Variants in ATOX1 observed in about 807,000 individuals in gnomAD.
ATOX1 encodes the protein copper transport protein ATOX1.
Under a neutral mutation model 7.3 loss-of-function variants are expected in ATOX1, and 4 were observed. That is an observed-to-expected ratio of 0.55 (90% CI 0.27 to 1.25). The LOEUF (loss-of-function observed/expected upper bound fraction) is 1.25, where lower values mean the gene tolerates loss of function less well. ATOX1 is among the 50% of genes most tolerant of loss of function. ATOX1 has a pLI of 0.12. For synonymous variants in ATOX1, 25 were observed against 28.7 expected (o/e 0.87, Z 0.41); for missense variants, 68 against 81.6 (o/e 0.83, Z 0.64).
chr5:151,749,341 C>T (rs28917198), intron 2 of ATOX1, among the ~76,000 whole-genome samples: 2,162 of 151,750 alleles, frequency 0.014, 48 homozygotes, highest in African/African-American at 0.048. Flanking sequence ...CAAAATTAGC[C>T]GGGCATGGTG....
intron 3 of ATOX1, chr5:151,746,078 G>A (rs1030134588): frequency 7.0e-5 from 30 of 431,622 alleles, no homozygotes; most frequent in Non-Finnish European, 1.2e-4. Context: ...CACTCACAGG[G>A]TCTGTAAGAA....
At chr5:151,758,294 G>C (rs1333946184) in intron 1 of ATOX1, among the ~76,000 whole-genome samples, 1 of 152,260 alleles carries the variant, frequency 6.6e-6, no homozygotes, top group Non-Finnish European at 1.5e-5. Context: ...CGCAGGGAAG[G>C]TGTGGGCTTG....
intron 3 of ATOX1, chr5:151,743,990 A>G (rs189474806): frequency 6.6e-6 from 1 of 152,350 alleles, no homozygotes; most frequent in Non-Finnish European, 1.5e-5. Context: ...ATGATTTACA[A>G]CACATGCTAT....
chr5:151,758,526 G>T lies in ATOX1; in HGVS notation c.6+20C>A. The T allele has an allele frequency of 6.8e-7, 1 of 1,474,020 alleles. No individual in the cohort carries two copies. The highest frequency in any genetic ancestry group is 9.0e-7 in the Non-Finnish European group (1 of 1,109,360). The allele number at this position is 1,474,020 out of a possible 1,614,324, so 91.3% of individuals were successfully genotyped here. A position where few individuals can be genotyped will look rare whatever the true frequency, so the allele number is the denominator to read the frequency against. Reference sequence around the variant, plus strand: ...CCCGGGACTGCAAGTCTGCGTGGCGGGGACGGCGCAACCACTCACCGGCAT... The same window carrying T: ...CCCGGGACTGCAAGTCTGCGTGGCGTGGACGGCGCAACCACTCACCGGCAT... On this transcript the variant is annotated intron_variant, in intron 1 of 3. Coordinates refer to ENST00000313115, the MANE Select transcript of ATOX1 (RefSeq NM_004045.4).
chr5:151,754,440 T>G (rs1332641970), intron 1 of ATOX1, among the ~76,000 whole-genome samples: 3 of 151,586 alleles, frequency 2.0e-5, no homozygotes, highest in African/African-American at 7.3e-5. Flanking sequence ...AAAACCTGTT[T>G]CTCTACTAAA....
intron 1 of ATOX1, 155 bp from the exon 2 acceptor site, chr5:151,751,934 G>A (rs1026328584): frequency 1.2e-5 from 8 of 661,154 alleles, no homozygotes; most frequent in African/African-American, 1.1e-4. Flanking sequence ...TTCTGAGCCC[G>A]TCTCTTCAAC....
intron 1 of ATOX1, among the ~76,000 whole-genome samples, chr5:151,757,697 A>C (rs978874314): frequency 2.0e-5 from 3 of 152,194 alleles, no homozygotes; most frequent in African/African-American, 7.2e-5. Context: ...AGCCGGTGTG[A>C]CTGCTTTTGC....
At chr5:151,758,273 T>C (rs1423035638) in intron 1 of ATOX1, among the ~76,000 whole-genome samples, 1 of 152,206 alleles carries the variant, frequency 6.6e-6, no homozygotes, top group East Asian at 1.9e-4. Flanking sequence ...CTGGTTCTGT[T>C]TCTCTGTGTA....
intron 2 of ATOX1, among the ~76,000 whole-genome samples, chr5:151,748,175 A>G (rs28917205): frequency 1.3e-3 from 205 of 152,338 alleles, no homozygotes; most frequent in Middle Eastern, 0.01. Context: ...ACAGCTCCCC[A>G]GCAGCACATG....
In ATOX1 at chr5:151,746,546, C is replaced by T. The variant is rs1761881685; in HGVS notation, c.83-97G>A. The T allele has an allele frequency of 1.4e-5, 21 of 1,512,750 alleles. No homozygotes were observed. In the South Asian group the frequency reaches 2.4e-4, roughly 17 times the overall value. The allele number at this position is 1,512,750 out of a possible 1,614,324, so 93.7% of individuals were successfully genotyped here. ...GGCTCTAAATTACTACTCACAACCA[C>T]CCTTGCCCTTTCCTCTAGAGCAGGG... On this transcript the variant is annotated intron_variant, in intron 2 of 3. Coordinates refer to ENST00000313115, the MANE Select transcript of ATOX1 (RefSeq NM_004045.4).
chr5:151,743,993 C>T (rs532382379), intron 3 of ATOX1: 12 of 152,304 alleles, frequency 7.9e-5, no homozygotes, highest in African/African-American at 2.9e-4. Context: ...ATTTACAACA[C>T]ATGCTATGAC....
At chr5:151,746,164 G>A (rs1761876353) in intron 3 of ATOX1, 115 bp downstream of exon 3, 1 of 932,690 alleles carries the variant, frequency 1.1e-6, no homozygotes, top group South Asian at 1.8e-5. Context: ...ACAGTGGATT[G>A]AAAAGAACCC....
Position 151,752,348 on chromosome 5 carries a change from G to C in ATOX1, c.7-569C>G, listed in dbSNP as rs771422143. On this transcript the variant is annotated intron_variant, in intron 1 of 3. Transcript: ENST00000313115. ...GCCGCATTCTCAGAGGCAGCATCTG[G>C]GTCCAGGGAAAGAAAGGATTGCCTG... 17 of 698,556 alleles carry C rather than the reference G, an allele frequency of 2.4e-5. 1 individual carries two copies. Among genetic ancestry groups the C allele is most frequent in the Middle Eastern group, 4.8e-4 (2 of 4,174 alleles). The allele number at this position is 698,556 out of a possible 1,614,324, so 43.3% of individuals were successfully genotyped here. A position where few individuals can be genotyped will look rare whatever the true frequency, so the allele number is the denominator to read the frequency against.
intron 2 of ATOX1, among the ~76,000 whole-genome samples, chr5:151,751,095 G>A (rs1761943320): frequency 6.6e-6 from 1 of 151,794 alleles, no homozygotes; most frequent in Non-Finnish European, 1.5e-5. Flanking sequence ...CGTCTGTACT[G>A]AAAATACAAA....
intron 2 of ATOX1, among the ~76,000 whole-genome samples, chr5:151,747,839 T>A (rs1478623033): frequency 1.3e-5 from 2 of 152,240 alleles, no homozygotes; most frequent in African/African-American, 4.8e-5. Context: ...TCCACCTGCA[T>A]TGGCCTCCCA....
In ATOX1 at chr5:151,749,055, G is replaced by A. The variant is rs965342296; in HGVS notation, c.83-2606C>T. On this transcript the variant is annotated intron_variant, in intron 2 of 3. Transcript: ENST00000313115. ...TGAGGCTGCAGTGAGCCAAGACCGC[G>A]CCACTGCACTCCAGCCTGGATGAAG... is the stretch of plus-strand genomic sequence containing the variant. 2.8e-4 allele frequency among the ~76,000 whole-genome samples: 42 copies of A among 152,260 alleles called. 1 individual carries two copies. The highest frequency in any genetic ancestry group is 2.2e-3 in the Admixed American group (34 of 15,296).
Position 151,751,714 on chromosome 5 carries a change from A to T in ATOX1, c.72T>A (p.Asn24Lys). Reference sequence around the variant, plus strand: ...GGGCCACTCACTCACCTCCAAGCTTATTGAGGACCCGAGAGACAGCTTCAG... The same window carrying T: ...GGGCCACTCACTCACCTCCAAGCTTTTTGAGGACCCGAGAGACAGCTTCAG... The part of the protein sequence containing the change: ...GCAEAVSRVL[N>K]KLGGVKYDID... The change falls in exon 2 of 4, where the codon AAT becomes AAA. Residue 24 changes from asparagine to lysine, a missense_variant. Transcript: ENST00000313115. The T allele has an allele frequency of 6.2e-7, 1 of 1,606,710 alleles. No individual in the cohort carries two copies. The highest frequency in any genetic ancestry group is 8.5e-7 in the Non-Finnish European group (1 of 1,176,836).
rs28917178 is a variant in ATOX1, at chr5:151,756,630, G to A, written c.6+1916C>T. On this transcript the variant is annotated intron_variant, in intron 1 of 3. Transcript: ENST00000313115. ...TGGGACTATAGGCACGGGCCACCAC[G>A]TCTGGCTAATTTTTTGTATTTTTTG... 2.6e-3 allele frequency among the ~76,000 whole-genome samples: 394 copies of A among 152,120 alleles called. 1 individual carries two copies. The highest frequency in any genetic ancestry group is 8.3e-3 in the African/African-American group (344 of 41,504).
In ATOX1 at chr5:151,751,773, C is replaced by A; in HGVS notation, c.13G>T (p.Glu5Ter). The change falls in exon 2 of 4, where the codon GAG becomes TAG. Residue 5 changes from glutamate (E) to a stop codon, truncating the protein, a stop_gained. Coordinates refer to ENST00000313115, the MANE Select transcript of ATOX1 (RefSeq NM_004045.4). LOFTEE classifies it high-confidence loss of function. The part of the protein sequence containing the change: MPKH[E>*]FSVDMTCGGC... ...CCACAGGTCATGTCCACAGAGAACT[C>A]GTGCTTCTGAAACAAACACAGGGGG... 2 of 1,606,670 alleles carry A rather than the reference C, an allele frequency of 1.2e-6. No homozygotes were observed. The highest frequency in any genetic ancestry group is 1.7e-6 in the Non-Finnish European group (2 of 1,176,738).
Sources: gnomAD v4.1 joint callset for allele counts (sites outside exome capture counted in the v4.1 genomes callset) on GRCh38, gnomAD v4.1.1 for gene constraint, MANE v1.5 for transcripts, NCBI Gene and HGNC (gene_info 2026-07-23, HGNC 2026-07-21) for gene names.